Variants in MAP4K4 observed in about 807,000 individuals in gnomAD.
MAP4K4 encodes mitogen-activated protein kinase kinase kinase kinase 4.
MAP4K4 carries 38 observed loss-of-function variants against 189.6 expected under a neutral mutation model. The ratio of observed to expected loss-of-function variants is 0.20; its 90% CI spans 0.15 to 0.26. The LOEUF is 0.26. MAP4K4 is among the 10% of genes least tolerant of loss of function. The pLI is 1.00. For missense variants in MAP4K4, 1,054 were observed against 1,726.9 expected, an observed-to-expected ratio of 0.61 and a Z score of 6.91; for synonymous variants, 610 against 624.3, an observed-to-expected ratio of 0.98 and a Z score of 0.34.
In MAP4K4 at chr2:101,761,644, C is replaced by T. The variant is rs575042414; in HGVS notation, c.124-29076C>T. Among the ~76,000 whole-genome samples the T allele has an allele frequency of 3.8e-4, 58 of 151,650 alleles. No homozygotes were observed. In the South Asian group the frequency reaches 8.4e-3, roughly 22 times the overall value. ...CATGATCTCGGATCACTGCAACTTC[C>T]GCCTCCCAGGTTCAAGCAATTCTGT... is the stretch of plus-strand genomic sequence containing the variant. On this transcript the variant is annotated intron_variant, in intron 2 of 32. Transcript: ENST00000324219.
chr2:101,888,502 A>T (rs1559352031), intron 31 of MAP4K4, among the ~76,000 whole-genome samples: 1 of 152,148 alleles, frequency 6.6e-6, no homozygotes, highest in Non-Finnish European at 1.5e-5. Flanking sequence ...GACTGGATTG[A>T]TAAAAATCTG....
At chr2:101,726,121 C>T (rs2055247125) in intron 2 of MAP4K4, among the ~76,000 whole-genome samples, 1 of 152,222 alleles carries the variant, frequency 6.6e-6, no homozygotes. Context: ...TTAGCCATTT[C>T]ATCTCTTACT....
At chr2:101,830,223 C>T (rs766958994) in intron 6 of MAP4K4, among the ~76,000 whole-genome samples, 8 of 152,170 alleles carry the variant, frequency 5.3e-5, no homozygotes, top group Non-Finnish European at 8.8e-5. Context: ...GTTACTGTCT[C>T]CTTTGCCAGA....
intron 2 of MAP4K4, among the ~76,000 whole-genome samples, chr2:101,766,187 G>A (rs750438700): frequency 6.6e-5 from 10 of 152,130 alleles, no homozygotes; most frequent in Non-Finnish European, 1.3e-4. Flanking sequence ...ATGTATGCAC[G>A]CACATATAAG....
chr2:101,820,198 G>A (rs1052046456), intron 3 of MAP4K4, among the ~76,000 whole-genome samples: 1 of 152,308 alleles, frequency 6.6e-6, no homozygotes, highest in South Asian at 2.1e-4. Flanking sequence ...TGCTCAGGAA[G>A]CCTTTCATGG....
chr2:101,834,719 C>G (rs2096695894), intron 8 of MAP4K4, among the ~76,000 whole-genome samples: 1 of 152,194 alleles, frequency 6.6e-6, no homozygotes, highest in South Asian at 2.1e-4. Context: ...CATGTGTGAC[C>G]TGAAGTAGTG....
At chr2:101,735,078 A>G (rs1488833923) in intron 2 of MAP4K4, among the ~76,000 whole-genome samples, 2 of 152,206 alleles carry the variant, frequency 1.3e-5, no homozygotes, top group Non-Finnish European at 2.9e-5. Context: ...TTTGTCCAGC[A>G]CGAAAGCCCT....
intron 3 of MAP4K4, among the ~76,000 whole-genome samples, chr2:101,821,575 C>G (rs1559072015): frequency 6.6e-6 from 1 of 152,210 alleles, no homozygotes; most frequent in East Asian, 1.9e-4. Flanking sequence ...GCATAGAGCT[C>G]TGACCATTAA....
chr2:101,757,836 A>G (rs1317711622), intron 2 of MAP4K4, among the ~76,000 whole-genome samples: 1 of 152,212 alleles, frequency 6.6e-6, no homozygotes, highest in African/African-American at 2.4e-5. Context: ...CCTGACCAAC[A>G]TGGTGAAATC....
At chr2:101,787,489 A>AG (rs1186618979) in intron 2 of MAP4K4, among the ~76,000 whole-genome samples, 1 of 152,162 alleles carries the variant, frequency 6.6e-6, no homozygotes, top group Non-Finnish European at 1.5e-5. Flanking sequence ...AGGTGTGCTA[A>AG]GGGTCTCCCT....
intron 18 of MAP4K4, among the ~76,000 whole-genome samples, chr2:101,865,831 A>G (rs979967499): frequency 6.6e-6 from 1 of 152,218 alleles, no homozygotes; most frequent in African/African-American, 2.4e-5. Context: ...CAAAAGCTGC[A>G]CAGAATCCTC....
intron 5 of MAP4K4, among the ~76,000 whole-genome samples, chr2:101,827,329 A>G (rs1243034435): frequency 1.3e-5 from 2 of 152,190 alleles, no homozygotes; most frequent in Non-Finnish European, 2.9e-5. Flanking sequence ...TAAATTAACT[A>G]AAAACAAGCA....
At chr2:101,698,633 C>T in intron 2 of MAP4K4, 95 bp downstream of exon 2, 1 of 1,262,392 alleles carries the variant, frequency 7.9e-7, no homozygotes, top group Non-Finnish European at 1.1e-6. Context: ...GACTGGAGGC[C>T]ACGCCGCTTG....
chr2:101,776,345 G>A (rs2084086434), intron 2 of MAP4K4, among the ~76,000 whole-genome samples: 1 of 152,116 alleles, frequency 6.6e-6, no homozygotes, highest in Admixed American at 6.5e-5. Flanking sequence ...TCAGGTTCAC[G>A]TGTGAGCATT....
At chr2:101,874,097 A>T (rs763672959) in exon 26 of MAP4K4, 1 of 1,613,342 alleles carries the variant, frequency 6.2e-7, no homozygotes, top group Admixed American at 1.7e-5. Context: ...TTTTCCTGTG[A>T]TGGGATGAGA....
chr2:101,760,877 C>T (rs1473691987), intron 2 of MAP4K4, among the ~76,000 whole-genome samples: 1 of 152,092 alleles, frequency 6.6e-6, no homozygotes. Flanking sequence ...GTGGCGCATG[C>T]CTGTAATCCC....
At chr2:101,880,021 C>T (rs2098337862) in intron 27 of MAP4K4, among the ~76,000 whole-genome samples, 1 of 151,916 alleles carries the variant, frequency 6.6e-6, no homozygotes. Context: ...ATCTTTAATC[C>T]ATTTTGTAAT....
intron 2 of MAP4K4, among the ~76,000 whole-genome samples, chr2:101,706,994 A>C (rs1272851861): frequency 6.6e-6 from 1 of 152,148 alleles, no homozygotes; most frequent in East Asian, 1.9e-4. Context: ...TGTGTAAGGC[A>C]GAGAAAGGGG....
chr2:101,851,724 C>CTTTTT (rs36217584), intron 12 of MAP4K4, among the ~76,000 whole-genome samples: 51 of 67,860 alleles, frequency 7.5e-4, no homozygotes, highest in Non-Finnish European at 9.3e-4. Context: ...TAACTGTCCT[C>CTTTTT]TTTTTTTTTT....
Sources: gnomAD v4.1 joint callset for allele counts (sites outside exome capture counted in the v4.1 genomes callset) on GRCh38, gnomAD v4.1.1 for gene constraint, MANE v1.5 for transcripts, NCBI Gene and HGNC (gene_info 2026-07-23, HGNC 2026-07-21) for gene names.